Variants in C3 observed in about 807,000 individuals in gnomAD.
C3 encodes C3 and PZP-like alpha-2-macroglobulin domain-containing protein 1.
Under a neutral mutation model 207.9 loss-of-function variants are expected in C3, and 97 were observed. The ratio of observed to expected loss-of-function variants is 0.47; its 90% CI spans 0.40 to 0.55. The LOEUF is 0.55. Among genes scored for constraint, C3 ranks in the 20% least tolerant of loss-of-function variants. The pLI is 0.00. For synonymous variants in C3, 848 were observed against 857.6 expected (o/e 0.99, Z 0.20); for missense variants, 1,684 against 2,171.7 (o/e 0.78, Z 4.46).
At chr19:6,693,812 G>A (rs1918230922) in intron 24 of C3, among the ~76,000 whole-genome samples, 1 of 152,032 alleles carries the variant, frequency 6.6e-6, no homozygotes, top group Non-Finnish European at 1.5e-5. Flanking sequence ...CCTCAGATGA[G>A]AGTGGCTGGG....
intron 3 of C3, 40 bp from the exon 4 acceptor site, chr19:6,718,204 C>T: frequency 6.2e-7 from 1 of 1,614,068 alleles, no homozygotes; most frequent in South Asian, 1.1e-5. Context: ...CCCTAGCCCG[C>T]CCACGCCGGT....
intron 4 of C3, among the ~76,000 whole-genome samples, chr19:6,716,184 C>T (rs142893084): frequency 2.6e-5 from 4 of 152,080 alleles, no homozygotes; most frequent in African/African-American, 7.2e-5. Context: ...CTCTGCCTCC[C>T]GAAATGTTGG....
chr19:6,711,031 T>C lies in C3; in HGVS notation c.1435A>G (p.Met479Val). 6.2e-7 allele frequency: 1 copy of C among 1,614,088 alleles called. No individual in the cohort carries two copies. The highest frequency in any genetic ancestry group is 8.5e-7 in the Non-Finnish European group (1 of 1,180,006). Residue 479 changes from methionine (M) to valine (V), a missense_variant, in exon 12 of 41, where the codon ATG (methionine) becomes GTG (valine). Transcript: ENST00000245907. ...ETLNVNFLLR[M>V]DRAHEAKIRY... is the part of the protein sequence containing the mutation. ...ATCTTGGCCTCGTGGGCGCGGTCCA[T>C]TCGCAGGAGGAAGTTGACGTTGAGG...
At chr19:6,682,575 A>G in intron 33 of C3, 1 of 339,136 alleles carries the variant, frequency 2.9e-6, no homozygotes, top group Middle Eastern at 1.0e-3. Context: ...AAATAACACT[A>G]GTAGCCCAGT....
chr19:6,686,836 A>C lies in C3; in HGVS notation c.3556T>G (p.Ser1186Ala), dbSNP rs759373843. The C allele has an allele frequency of 1.9e-6, 3 of 1,613,594 alleles. No homozygotes were observed. The highest frequency in any genetic ancestry group is 2.7e-5 in the African/African-American group (2 of 74,980). ...LEANYMNLQR[S>A]YTVAIAGYAL... ...TAGCCAGCAATGGCCACAGTGTAGG[A>C]TCTCTGTAGGTTCATGTAGTTGGCT... is the stretch of plus-strand genomic sequence containing the variant. Residue 1186 changes from serine (S) to alanine (A), a missense_variant, in exon 28 of 41, where the codon TCC (serine) becomes GCC (alanine). By Grantham distance (99) the Ser-to-Ala change is moderately conservative (BLOSUM62 1). Transcript: ENST00000245907.
intron 4 of C3, among the ~76,000 whole-genome samples, chr19:6,714,827 A>C (rs966314106): frequency 1.4e-4 from 22 of 152,106 alleles, no homozygotes; most frequent in Admixed American, 1.4e-3. Flanking sequence ...ACTCCACTGC[A>C]CTCCAGCCTG....
chr19:6,710,004 AGGGAGAGAGAGGGAGAGAGGGC>A (rs1444144218), intron 13 of C3, among the ~76,000 whole-genome samples, 162 bp from the exon 14 acceptor site: 7 of 124,116 alleles, frequency 5.6e-5, no homozygotes, highest in African/African-American at 9.5e-5. Context: ...GGAGAGAGGG[AGGGAGAGAGAGGGAGAGAGGGC>A]GGGAGAGAGA....
chr19:6,700,281 C>T (rs1279852038), intron 19 of C3, among the ~76,000 whole-genome samples: 19 of 57,738 alleles, frequency 3.3e-4, no homozygotes, highest in African/African-American at 1.9e-3. Flanking sequence ...CAACATATAA[C>T]ATATTATATA....
rs1967818819 is a variant in C3 at position 6,707,997 on chromosome 19, C to T, written c.1846-68G>A. 6 of 1,590,518 alleles carry T rather than the reference C, an allele frequency of 3.8e-6. No homozygotes were observed. In the East Asian group the frequency reaches 8.9e-5, roughly 24 times the overall value. ...TGACAATTGGGATCCCCCACATATG[C>T]ACCTGTGTATCTCTTCCCAAATGAC... On this transcript the variant is annotated intron_variant, in intron 14 of 40. Coordinates refer to ENST00000245907, the MANE Select transcript of C3 (RefSeq NM_000064.4).
In C3 at chr19:6,677,993, C is replaced by CCA; in HGVS notation, c.4879_4880dup (p.Trp1627CysfsTer81). ...CGTCCTCCTCGGGCCAGTGCTCCAC[C>CCA]CAAGTGTCCTTCCCGATGATGTAGC... is the stretch of plus-strand genomic sequence containing the variant. On this transcript the variant is annotated frameshift_variant, in exon 41 of 41. Transcript: ENST00000245907. LOFTEE classifies it high-confidence loss of function. The CCA allele has an allele frequency of 5.0e-6, 8 of 1,614,090 alleles. No individual in the cohort carries two copies. The highest frequency in any genetic ancestry group is 6.8e-6 in the Non-Finnish European group (8 of 1,180,024).
At chr19:6,681,391 A>G (rs938876530) in intron 35 of C3, among the ~76,000 whole-genome samples, 2 of 150,538 alleles carry the variant, frequency 1.3e-5, no homozygotes, top group African/African-American at 4.9e-5. Flanking sequence ...ATTTATGAAA[A>G]AAAAATTAGC....
Position 6,693,607 on chromosome 19 carries a change from G to T in C3, c.3155-120C>A. 6 of 832,154 alleles carry T rather than the reference G, an allele frequency of 7.2e-6. No individual in the cohort carries two copies. In the South Asian group the frequency reaches 8.6e-5, roughly 12 times the overall value. 51.5% of individuals were successfully genotyped at this position (832,154 alleles called of 1,614,324 possible). A position where few individuals can be genotyped will look rare whatever the true frequency, so the allele number is the denominator to read the frequency against. ...GGCTCAGGGTGGCGGAGGGGTTCTG[G>T]GAGGAGGGGACCTTAAAAAGGGAAG... On this transcript the variant is annotated intron_variant, in intron 24 of 40. Transcript: ENST00000245907.
intron 17 of C3, among the ~76,000 whole-genome samples, chr19:6,705,078 C>G (rs1967746280): frequency 6.6e-6 from 1 of 152,066 alleles, no homozygotes; most frequent in Admixed American, 6.6e-5. Flanking sequence ...CCTGAATTTA[C>G]TCACACTCTG....
intron 32 of C3, 33 bp from the exon 33 acceptor site, chr19:6,684,472 G>T (rs1568211355): frequency 1.9e-6 from 3 of 1,597,302 alleles, no homozygotes; most frequent in South Asian, 2.2e-5. Context: ...GATGGGAGAG[G>T]GTATACCTGT....
At chr19:6,694,916 A>G (rs1200796294) in intron 23 of C3, among the ~76,000 whole-genome samples, 2 of 152,160 alleles carry the variant, frequency 1.3e-5, no homozygotes, top group African/African-American at 4.8e-5. Context: ...AGGAATACTT[A>G]TATCACGCTT....
intron 14 of C3, among the ~76,000 whole-genome samples, chr19:6,708,843 T>C (rs1196827678): frequency 1.3e-5 from 2 of 151,972 alleles, no homozygotes; most frequent in Non-Finnish European, 2.9e-5. Context: ...TGCGCCATCA[T>C]GCCCAGCTAT....
chr19:6,708,657 CTCT>C (rs1238882994), intron 14 of C3, among the ~76,000 whole-genome samples: 2 of 146,642 alleles, frequency 1.4e-5, no homozygotes, highest in South Asian at 2.2e-4. Context: ...GTTTCTCTCT[CTCT>C]TCTTTTTTTT....
At chr19:6,720,376 A>G in intron 1 of C3, 140 bp downstream of exon 1, 1 of 682,714 alleles carries the variant, frequency 1.5e-6, no homozygotes, top group Non-Finnish European at 2.7e-6. Context: ...GCCCAAATAT[A>G]TATAATCATT....
intron 19 of C3, among the ~76,000 whole-genome samples, chr19:6,699,307 C>G (rs1370322860): frequency 6.8e-6 from 1 of 147,970 alleles, no homozygotes; most frequent in Non-Finnish European, 1.5e-5. Context: ...ACTCCGACCT[C>G]AAATGATTTG....
Sources: gnomAD v4.1 joint callset for allele counts (sites outside exome capture counted in the v4.1 genomes callset) on GRCh38, gnomAD v4.1.1 for gene constraint, MANE v1.5 for transcripts, NCBI Gene and HGNC (gene_info 2026-07-23, HGNC 2026-07-21) for gene names.